Variants in IMMP2L observed in about 807,000 individuals in gnomAD.
The protein encoded by IMMP2L is inner mitochondrial membrane peptidase subunit 2, also known as mitochondrial inner membrane protease subunit 2.
In IMMP2L, 18 loss-of-function variants were observed where a neutral mutation model predicts 19.3. That is an observed-to-expected ratio of 0.93 (90% CI 0.64 to 1.38). The LOEUF (loss-of-function observed/expected upper bound fraction) is 1.38. IMMP2L is among the 40% of genes most tolerant of loss of function. The pLI is 0.00. For synonymous variants in IMMP2L, 76 were observed against 73.0 expected (o/e 1.04, Z -0.21); for missense variants, 233 against 218.2 (o/e 1.07, Z -0.43).
At chr7:110,982,157 G>T (rs1821371244) in intron 3 of IMMP2L, among the ~76,000 whole-genome samples, 1 of 152,048 alleles carries the variant, frequency 6.6e-6, no homozygotes, top group Admixed American at 6.6e-5. Flanking sequence ...AAAACCTGAG[G>T]TAACACAGTG....
intron 3 of IMMP2L, among the ~76,000 whole-genome samples, chr7:111,349,967 GT>G (rs1827979517): frequency 6.7e-6 from 1 of 150,158 alleles, no homozygotes; most frequent in Admixed American, 6.6e-5. Flanking sequence ...AACAAAGATG[GT>G]CCTTTTTTTT....
In IMMP2L at chr7:111,191,474, A is replaced by AC. The variant is rs1562906824; in HGVS notation, c.240-227910_240-227909insG. ...CACACACACACACACACACACACAC[A>AC]AAACTTATATGCTTTTACATCTAAA... On this transcript the variant is annotated intron_variant, in intron 3 of 5. Coordinates refer to ENST00000405709, the MANE Select transcript of IMMP2L (RefSeq NM_032549.4). Among the ~76,000 whole-genome samples the AC allele has an allele frequency of 3.1e-3, 434 of 137,826 alleles. 6 individuals carry two copies. The highest frequency in any genetic ancestry group is 0.011 in the African/African-American group (401 of 38,148). The allele number at this position is 137,826 out of a possible 152,430, so 90.4% of individuals were successfully genotyped here.
At chr7:110,951,466 G>GA (rs79690135) in intron 4 of IMMP2L, among the ~76,000 whole-genome samples, 13,065 of 151,878 alleles carry the variant, frequency 0.086, 801 homozygotes, top group East Asian at 0.18. Flanking sequence ...AAGCCAAACG[G>GA]AAAATTAGTC....
At chr7:110,796,625 T>C (rs985417325) in intron 5 of IMMP2L, among the ~76,000 whole-genome samples, 6 of 152,020 alleles carry the variant, frequency 3.9e-5, no homozygotes, top group Non-Finnish European at 8.8e-5. Context: ...TAGACTACTT[T>C]TCTGGAATAT....
chr7:111,486,039 G>C (rs891101250), intron 3 of IMMP2L, among the ~76,000 whole-genome samples: 6 of 152,116 alleles, frequency 3.9e-5, no homozygotes, highest in Admixed American at 3.9e-4. Context: ...GCATGGAAAA[G>C]GTTGTTTAGG....
intron 3 of IMMP2L, among the ~76,000 whole-genome samples, chr7:110,984,311 G>C (rs1821629181): frequency 2.0e-5 from 3 of 149,594 alleles, no homozygotes; most frequent in Non-Finnish European, 4.4e-5. Context: ...AAACCACCTA[G>C]ATTTTTAAAG....
chr7:110,804,254 T>G (rs1477034803), intron 5 of IMMP2L, among the ~76,000 whole-genome samples: 1 of 152,038 alleles, frequency 6.6e-6, no homozygotes, highest in Non-Finnish European at 1.5e-5. Flanking sequence ...TTCATGCCAA[T>G]TACTATCTCC....
rs148687251 is a variant in IMMP2L, at chr7:111,302,829, G to C, written c.239+184409C>G. Among the ~76,000 whole-genome samples the C allele has an allele frequency of 3.4e-3, 513 of 152,120 alleles. 5 individuals are homozygous for C. The highest frequency in any genetic ancestry group is 0.012 in the African/African-American group (490 of 41,494). On this transcript the variant is annotated intron_variant, in intron 3 of 5. Transcript: ENST00000405709. ...CCATATAAGGAAAGGGTATGACATAGAATACACCTGAAAGAGAGTTTTCTT... is the reference window on the plus strand; with the variant it reads ...CCATATAAGGAAAGGGTATGACATACAATACACCTGAAAGAGAGTTTTCTT...
rs1584909862 is a variant in IMMP2L, at chr7:110,814,224, T to C, written c.408+72369A>G. Among the ~76,000 whole-genome samples the C allele has an allele frequency of 2.0e-5, 3 of 151,974 alleles. No individual in the cohort carries two copies. In the South Asian group the frequency reaches 6.2e-4, roughly 31 times the overall value. On this transcript the variant is annotated intron_variant, in intron 5 of 5. Coordinates refer to ENST00000405709, the MANE Select transcript of IMMP2L (RefSeq NM_032549.4). ...TTTCCTCTCTGGAGAATTTTTCTTA[T>C]GTCACAGGAATGGTGTATAATGTTT...
intron 3 of IMMP2L, among the ~76,000 whole-genome samples, chr7:111,164,336 G>A (rs1341664520): frequency 3.3e-5 from 5 of 152,082 alleles, no homozygotes; most frequent in Non-Finnish European, 5.9e-5. Flanking sequence ...CAGAAAGCCA[G>A]CTAGAAAGAC....
chr7:111,141,643 C>T (rs1802905300), intron 3 of IMMP2L, among the ~76,000 whole-genome samples: 1 of 152,076 alleles, frequency 6.6e-6, no homozygotes, highest in African/African-American at 2.4e-5. Context: ...GTTTTTATTC[C>T]TCATTGGCAT....
intron 3 of IMMP2L, among the ~76,000 whole-genome samples, chr7:111,072,776 T>C (rs1795063481): frequency 6.6e-6 from 1 of 151,988 alleles, no homozygotes; most frequent in African/African-American, 2.4e-5. Context: ...GCATCTGTAG[T>C]CTCAGCTACT....
At chr7:111,510,901 G>T (rs1386314244) in intron 2 of IMMP2L, among the ~76,000 whole-genome samples, 2 of 151,962 alleles carry the variant, frequency 1.3e-5, no homozygotes, top group African/African-American at 4.8e-5. Flanking sequence ...GTTTTCCTGA[G>T]CCTCTCCTCT....
At position 111,201,279 on chromosome 7, in the gene IMMP2L, C is replaced by A. The variant is rs1331089156; in HGVS notation, c.240-237714G>T. On this transcript the variant is annotated intron_variant, in intron 3 of 5. Transcript: ENST00000405709. ...CAACCAACATTTAACGTATCAAATC[C>A]AAAAAAAAAAAAAACTGCGTCAATT... Among the ~76,000 whole-genome samples the A allele has an allele frequency of 1.9e-3, 260 of 134,244 alleles. 1 individual carries two copies. Among genetic ancestry groups the A allele is most frequent in the Middle Eastern group, 7.6e-3 (2 of 262 alleles). 88.1% of individuals were successfully genotyped at this position (134,244 alleles called of 152,430 possible).
At chr7:111,225,104 TG>T (rs1367527562) in intron 3 of IMMP2L, among the ~76,000 whole-genome samples, 1 of 152,132 alleles carries the variant, frequency 6.6e-6, no homozygotes, top group Admixed American at 6.6e-5. Flanking sequence ...AAGGGACAAC[TG>T]ACAGATAAGC....
At chr7:111,037,570 A>AT (rs1307361479) in intron 3 of IMMP2L, among the ~76,000 whole-genome samples, 2 of 152,116 alleles carry the variant, frequency 1.3e-5, no homozygotes, top group Non-Finnish European at 2.9e-5. Context: ...GGTCATTTTA[A>AT]TTTCAGGGTC....
intron 3 of IMMP2L, among the ~76,000 whole-genome samples, chr7:111,278,190 G>A (rs1562999883): frequency 1.3e-5 from 2 of 152,134 alleles, no homozygotes; most frequent in Non-Finnish European, 2.9e-5. Flanking sequence ...ACACATACAT[G>A]TAAAAAACTT....
chr7:111,122,827 C>G (rs1800817710), intron 3 of IMMP2L: 2 of 1,613,900 alleles, frequency 1.2e-6, no homozygotes, highest in South Asian at 1.1e-5. Flanking sequence ...TATCACTACA[C>G]TAGTACAAGC....
At chr7:111,370,323 T>C (rs1202645513) in intron 3 of IMMP2L, among the ~76,000 whole-genome samples, 1 of 151,974 alleles carries the variant, frequency 6.6e-6, no homozygotes, top group East Asian at 1.9e-4. Flanking sequence ...CTACACCTTA[T>C]AGTAAATTAG....
Sources: allele counts gnomAD v4.1 joint callset (sites outside exome capture counted in the v4.1 genomes callset), GRCh38; gene constraint gnomAD v4.1.1; transcripts MANE v1.5; gene names NCBI Gene and HGNC (gene_info 2026-07-23, HGNC 2026-07-21).